Variants in KCNMA1 observed in about 807,000 individuals in gnomAD.
The protein encoded by KCNMA1 is potassium calcium-activated channel subfamily M alpha 1, also known as Calcium-activated potassium channel subunit alpha-1.
A neutral mutation model predicts 140.0 loss-of-function variants in KCNMA1; 29 were observed. The ratio of observed to expected loss-of-function variants is 0.21; its 90% CI spans 0.15 to 0.28. The LOEUF is 0.28. KCNMA1 is among the 10% of genes least tolerant of loss of function. The pLI, the probability that KCNMA1 is intolerant of heterozygous loss-of-function variation, is 1.00. For missense variants in KCNMA1, 880 were observed against 1,602.2 expected (o/e 0.55, Z 7.70); for synonymous variants, 612 against 611.9 (o/e 1.00, Z 0.00).
At chr10:76,869,606 A>G (rs756340663) in exon 28 of KCNMA1, 2 of 152,554 alleles carry the variant, frequency 1.3e-5, no homozygotes, top group African/African-American at 2.4e-5. Context: ...TCCTTGTTTT[A>G]GAACACAAAT....
At chr10:77,272,032 G>A (rs148178729) in intron 2 of KCNMA1, among the ~76,000 whole-genome samples, 27 of 152,260 alleles carry the variant, frequency 1.8e-4, no homozygotes, top group African/African-American at 5.5e-4. Context: ...TCTAAAGCAC[G>A]ACTGAGTTGT....
chr10:77,265,665 T>C (rs1258291158), intron 2 of KCNMA1, among the ~76,000 whole-genome samples: 1 of 152,196 alleles, frequency 6.6e-6, no homozygotes, highest in Non-Finnish European at 1.5e-5. Context: ...GGCTGGACAA[T>C]GCCAGCAAGG....
At chr10:77,188,574 T>C (rs2098903770) in intron 3 of KCNMA1, among the ~76,000 whole-genome samples, 1 of 152,154 alleles carries the variant, frequency 6.6e-6, no homozygotes, top group South Asian at 2.1e-4. Flanking sequence ...ATGGAGTAAA[T>C]GTTCAGTTGT....
intron 15 of KCNMA1, among the ~76,000 whole-genome samples, chr10:77,036,305 G>GC (rs1337753370): frequency 6.6e-6 from 1 of 152,078 alleles, no homozygotes; most frequent in Non-Finnish European, 1.5e-5. Context: ...AGGACCTTCT[G>GC]CCCCCACTGC....
chr10:77,247,171 C>A (rs760403353), intron 3 of KCNMA1, among the ~76,000 whole-genome samples: 3 of 152,144 alleles, frequency 2.0e-5, no homozygotes, highest in Non-Finnish European at 2.9e-5. Flanking sequence ...TAAGAAGTAG[C>A]AGCGTTTAAA....
intron 1 of KCNMA1, among the ~76,000 whole-genome samples, chr10:77,405,103 G>C (rs2096427066): frequency 6.6e-6 from 1 of 152,068 alleles, no homozygotes; most frequent in African/African-American, 2.4e-5. Flanking sequence ...CCCACACAGG[G>C]GCCGAAACTG....
In KCNMA1 at chr10:77,035,030, G is replaced by A. The variant is rs116470348; in HGVS notation, c.1859+4498C>T. On this transcript the variant is annotated intron_variant, in intron 15 of 27. Coordinates refer to ENST00000286628, the MANE Select transcript of KCNMA1 (RefSeq NM_001161352.2). ...CCCTCTGCCCTCCCTGGGGGTAGGG[G>A]AGTGCACCCTCGCTTTCGCAAGTGC... Among the ~76,000 whole-genome samples the A allele has an allele frequency of 4.3e-3, 648 of 152,186 alleles. 3 individuals are homozygous for A. The highest frequency in any genetic ancestry group is 0.014 in the African/African-American group (567 of 41,522).
intron 3 of KCNMA1, among the ~76,000 whole-genome samples, chr10:77,230,168 GT>G (rs2053100518): frequency 6.6e-6 from 1 of 152,210 alleles, no homozygotes; most frequent in Non-Finnish European, 1.5e-5. Context: ...AAAGCATTAT[GT>G]CAATGAAGGA....
chr10:77,317,585 T>A (rs759134325), intron 2 of KCNMA1, among the ~76,000 whole-genome samples: 1 of 152,130 alleles, frequency 6.6e-6, no homozygotes, highest in Non-Finnish European at 1.5e-5. Flanking sequence ...AGGAGGAGGG[T>A]TGGAAGCCCA....
chr10:77,434,508 G>A (rs974302079), intron 1 of KCNMA1, among the ~76,000 whole-genome samples: 10 of 152,168 alleles, frequency 6.6e-5, no homozygotes, highest in Non-Finnish European at 1.5e-4. Flanking sequence ...CCCTATTAGC[G>A]TGATGCATGT....
intron 1 of KCNMA1, among the ~76,000 whole-genome samples, chr10:77,615,049 GAA>G (rs2088869135): frequency 6.6e-6 from 1 of 152,200 alleles, no homozygotes; most frequent in South Asian, 2.1e-4. Flanking sequence ...CCCTGATAGA[GAA>G]AAGAGTCTGG....
intron 26 of KCNMA1, among the ~76,000 whole-genome samples, chr10:76,890,586 C>T (rs546187228): frequency 6.6e-6 from 1 of 152,338 alleles, no homozygotes; most frequent in African/African-American, 2.4e-5. Flanking sequence ...AAGTATGCAG[C>T]ACTGTTTCAG....
intron 1 of KCNMA1, among the ~76,000 whole-genome samples, chr10:77,506,223 A>G (rs952605645): frequency 6.6e-6 from 1 of 152,126 alleles, no homozygotes; most frequent in African/African-American, 2.4e-5. Context: ...AACCACCAAC[A>G]GTGAGACTCC....
At chr10:77,414,491 T>C (rs1271636118) in intron 1 of KCNMA1, among the ~76,000 whole-genome samples, 1 of 152,124 alleles carries the variant, frequency 6.6e-6, no homozygotes, top group African/African-American at 2.4e-5. Flanking sequence ...TTTCTTTTTT[T>C]CTTTTTTCTT....
chr10:77,353,497 AG>A (rs1795674879), intron 2 of KCNMA1, among the ~76,000 whole-genome samples: 2 of 152,084 alleles, frequency 1.3e-5, no homozygotes, highest in South Asian at 4.1e-4. Context: ...CAAAGTCTCT[AG>A]GGCTTACAGC....
intron 1 of KCNMA1, among the ~76,000 whole-genome samples, chr10:77,433,135 T>C (rs2097186483): frequency 6.6e-6 from 1 of 152,170 alleles, no homozygotes; most frequent in Non-Finnish European, 1.5e-5. Flanking sequence ...TGTTGTTTAT[T>C]TGTCAAGAGA....
At chr10:77,531,591 G>A (rs816827) in intron 1 of KCNMA1, among the ~76,000 whole-genome samples, 13,041 of 152,254 alleles carry the variant, frequency 0.086, 699 homozygotes, top group Admixed American at 0.14. Context: ...GTGCATGTGC[G>A]TGACTCAGCA....
rs548259397 is a variant in KCNMA1, at chr10:76,995,591, A to G, written c.2266+5816T>C. On this transcript the variant is annotated intron_variant, in intron 19 of 27. Transcript: ENST00000286628. Reference sequence around the variant, plus strand: ...TGGCATCTGTCGCCTGAGATAGTGGAGGAGGATGGAAGATGAGGAGCTAAC... The same window carrying G: ...TGGCATCTGTCGCCTGAGATAGTGGGGGAGGATGGAAGATGAGGAGCTAAC... The G allele has an allele frequency of 9.0e-4, 422 of 470,994 alleles. 6 individuals carry two copies. The highest frequency in any genetic ancestry group is 6.4e-3 in the South Asian group (415 of 64,554). The allele number at this position is 470,994 out of a possible 1,614,324, so 29.2% of individuals were successfully genotyped here.
At chr10:77,132,892 G>T (rs2097895204) in intron 5 of KCNMA1, among the ~76,000 whole-genome samples, 1 of 152,142 alleles carries the variant, frequency 6.6e-6, no homozygotes, top group Admixed American at 6.5e-5. Context: ...AAAGATAAAA[G>T]TAATGGATTC....
Sources: allele counts gnomAD v4.1 joint callset (sites outside exome capture counted in the v4.1 genomes callset), GRCh38; gene constraint gnomAD v4.1.1; transcripts MANE v1.5; gene names NCBI Gene and HGNC (gene_info 2026-07-23, HGNC 2026-07-21).